The following GADD45A variants were observed in gnomAD, a reference collection of about 807,000 sequenced individuals.
The protein encoded by GADD45A is growth arrest and DNA damage inducible alpha.
A neutral mutation model predicts 17.7 loss-of-function variants in GADD45A; 9 were observed. The observed-to-expected ratio is 0.51, with a 90% CI of 0.31 to 0.89. GADD45A has a LOEUF of 0.89. Ranked by LOEUF, GADD45A falls within the 40% of genes least tolerant of loss-of-function variation. The probability of loss-of-function intolerance (pLI) is 0.05; values close to 1 mark genes in which losing one functional copy is unlikely to be tolerated. For missense variants in GADD45A, 149 were observed against 220.6 expected (o/e 0.68, Z 2.06); for synonymous variants, 95 against 92.2 (o/e 1.03, Z -0.17).
Position 67,685,522 on chromosome 1 carries a change from G to A in GADD45A, c.28G>A (p.Glu10Lys). ...GACTTTGGAGGAATTCTCGGCTGGA[G>A]AGCAGAAGACCGAAAGGTGAGTCGG... MTLEEFSAG[E>K]QKTERMDKVG... is the part of the protein sequence containing the mutation. Residue 10 changes from glutamate (E) to lysine (K), a missense_variant, in exon 1 of 4, where the codon GAG becomes AAG. Glu to Lys is a moderately conservative substitution (Grantham distance 56). Coordinates refer to ENST00000370986, the MANE Select transcript of GADD45A (RefSeq NM_001924.4). 6.2e-7 allele frequency: 1 copy of A among 1,610,296 alleles called. No homozygotes were observed. The highest frequency in any genetic ancestry group is 8.5e-7 in the Non-Finnish European group (1 of 1,178,084).
At chr1:67,685,861 T>A (rs1341608061) in intron 1 of GADD45A, 164 bp from the exon 2 acceptor site, 1 of 597,980 alleles carries the variant, frequency 1.7e-6, no homozygotes, top group African/African-American at 1.9e-5. Flanking sequence ...CGTGCAGGGG[T>A]CATGGGGGGT....
rs1288876378 is a variant in GADD45A, at chr1:67,685,549, C to T, written c.44+11C>T. 9.4e-6 allele frequency: 15 copies of T among 1,602,630 alleles called. No individual in the cohort carries two copies. Among genetic ancestry groups the T allele is most frequent in the Non-Finnish European group, 1.2e-5 (14 of 1,173,738 alleles). ...GCAGAAGACCGAAAGGTGAGTCGGC[C>T]TGCGGACTCTTCCGGCCCGAACTTC... On this transcript the variant is annotated intron_variant, in intron 1 of 3. Transcript: ENST00000370986.
chr1:67,685,991 G>A (rs531687515), intron 1 of GADD45A, 34 bp from the exon 2 acceptor site: 5 of 1,480,558 alleles, frequency 3.4e-6, no homozygotes, highest in Non-Finnish European at 4.7e-6. Flanking sequence ...GGGCACCGGG[G>A]CTGACGGGAC....
rs1190432793 is a variant in GADD45A, at chr1:67,685,227, G to A, written c.-268G>A. The A allele has an allele frequency of 8.4e-6, 4 of 475,862 alleles. No homozygotes were observed. The highest frequency in any genetic ancestry group is 1.5e-5 in the Non-Finnish European group (4 of 270,448). 29.5% of individuals were successfully genotyped at this position (475,862 alleles called of 1,614,324 possible). A position where few individuals can be genotyped will look rare whatever the true frequency, so the allele number is the denominator to read the frequency against. On this transcript the variant is annotated 5_prime_UTR_variant, in exon 1 of 4. Transcript: ENST00000370986. ...GTGGCTGGTAGGCAGTGGCTGGGAG[G>A]CAGCGGCCCAATTAGTGTCGTGCGG...
rs758159590 is a variant in GADD45A, at chr1:67,685,553, G to T, written c.44+15G>T. On this transcript the variant is annotated intron_variant, in intron 1 of 3. Coordinates refer to ENST00000370986, the MANE Select transcript of GADD45A (RefSeq NM_001924.4). ...AAGACCGAAAGGTGAGTCGGCCTGCGGACTCTTCCGGCCCGAACTTCTCTT... is the reference window on the plus strand; with the variant it reads ...AAGACCGAAAGGTGAGTCGGCCTGCTGACTCTTCCGGCCCGAACTTCTCTT... The T allele has an allele frequency of 1.9e-6, 3 of 1,599,256 alleles. No individual in the cohort carries two copies. The highest frequency in any genetic ancestry group is 2.6e-6 in the Non-Finnish European group (3 of 1,171,786).
chr1:67,686,140 T>TTGCGCGTCCCCCATGGCACCCC lies in GADD45A; in HGVS notation c.146+16_146+37dup. The TTGCGCGTCCCCCATGGCACCCC allele has an allele frequency of 6.3e-7, 1 of 1,589,232 alleles. No individual in the cohort carries two copies. Among genetic ancestry groups the TTGCGCGTCCCCCATGGCACCCC allele is most frequent in the Non-Finnish European group, 8.6e-7 (1 of 1,161,744 alleles). On this transcript the variant is annotated intron_variant, in intron 2 of 3. Coordinates refer to ENST00000370986, the MANE Select transcript of GADD45A (RefSeq NM_001924.4). Reference sequence around the variant, plus strand: ...GCTGCTCAACGTGTAAGTGGGGCCCTTGCGCGTCCCCCATGGCACCCCTTC... The same window carrying TTGCGCGTCCCCCATGGCACCCC: ...GCTGCTCAACGTGTAAGTGGGGCCCTTGCGCGTCCCCCATGGCACCCCTGCGCGTCCCCCATGGCACCCCTTC...
rs1646133542 is a variant in GADD45A at position 67,686,342 on chromosome 1, G to A, written c.147-8G>A. ...TCTGCGCTCACTGGCCCCGCCCGCT[G>A]CCCCCAGCGACCCCGATAACGTGGT... On this transcript the variant is annotated splice_polypyrimidine_tract_variant and splice_region_variant and intron_variant, in intron 2 of 3. Transcript: ENST00000370986. 1 of 1,609,966 alleles carries A rather than the reference G, an allele frequency of 6.2e-7. No individual in the cohort carries two copies. Among genetic ancestry groups the A allele is most frequent in the Admixed American group, 1.7e-5 (1 of 59,822 alleles).
rs4633263 is a variant in GADD45A at position 67,688,058 on chromosome 1, G to A, written c.*284G>A. 1 of 310,852 alleles carries A rather than the reference G, an allele frequency of 3.2e-6. No homozygotes were observed. The highest frequency in any genetic ancestry group is 2.1e-5 in the African/African-American group (1 of 47,262). The allele number at this position is 310,852 out of a possible 1,614,324, so 19.3% of individuals were successfully genotyped here. A position where few individuals can be genotyped will look rare whatever the true frequency, so the allele number is the denominator to read the frequency against. On this transcript the variant is annotated 3_prime_UTR_variant, in exon 4 of 4. Coordinates refer to ENST00000370986, the MANE Select transcript of GADD45A (RefSeq NM_001924.4). Reference sequence around the variant, plus strand: ...GGAAGGAAAACTATGTATTAATTTAGAATGGTTGAGTTACATTAAAATAAA... The same window carrying A: ...GGAAGGAAAACTATGTATTAATTTAAAATGGTTGAGTTACATTAAAATAAA...
intron 1 of GADD45A, 122 bp from the exon 2 acceptor site, chr1:67,685,903 G>A (rs1646129571): frequency 3.0e-6 from 2 of 656,696 alleles, no homozygotes; most frequent in Admixed American, 3.1e-5. Flanking sequence ...GGTTTTCGTA[G>A]AGCCCAGGTG....
In GADD45A at chr1:67,685,507, G is replaced by C. The variant is rs1190043753; in HGVS notation, c.13G>C (p.Glu5Gln). 1 of 1,610,848 alleles carries C rather than the reference G, an allele frequency of 6.2e-7. No homozygotes were observed. The highest frequency in any genetic ancestry group is 2.2e-5 in the East Asian group (1 of 44,828). Residue 5 changes from glutamate to glutamine, a missense_variant, in exon 1 of 4, where the codon GAA (glutamate) becomes CAA (glutamine). Transcript: ENST00000370986. ...TGCAGTTTGCAATATGACTTTGGAG[G>C]AATTCTCGGCTGGAGAGCAGAAGAC... MTLE[E>Q]FSAGEQKTER...
intron 3 of GADD45A, among the ~76,000 whole-genome samples, 174 bp from the exon 4 acceptor site, chr1:67,687,487 G>A (rs1570459758): frequency 6.6e-6 from 1 of 152,112 alleles, no homozygotes; most frequent in Admixed American, 6.5e-5. Context: ...TACCCTTAAC[G>A]CTTTTGCAGG....
At position 67,685,364 on chromosome 1, in the gene GADD45A, G is replaced by T; in HGVS notation, c.-131G>T. 1.3e-6 allele frequency: 1 copy of T among 769,724 alleles called. No homozygotes were observed. The highest frequency in any genetic ancestry group is 1.8e-5 in the South Asian group (1 of 54,580). The allele number at this position is 769,724 out of a possible 1,614,324, so 47.7% of individuals were successfully genotyped here. A position where few individuals can be genotyped will look rare whatever the true frequency, so the allele number is the denominator to read the frequency against. ...AGCCCGGGCGGGCGAGGGGCGGCCG[G>T]AGAGCGCCAGGGCCTGAGCTGCCGG... On this transcript the variant is annotated 5_prime_UTR_variant, in exon 1 of 4. Transcript: ENST00000370986.
At chr1:67,686,176 C>T in intron 2 of GADD45A, 50 bp downstream of exon 2, 1 of 1,501,860 alleles carries the variant, frequency 6.7e-7, no homozygotes, top group South Asian at 1.2e-5. Context: ...CCGCCCCAGC[C>T]CGGGAGGTCG....
rs963341870 is a variant in GADD45A at position 67,685,238 on chromosome 1, A to G, written c.-257A>G. 21 of 493,442 alleles carry G rather than the reference A, an allele frequency of 4.3e-5. No homozygotes were observed. The highest frequency in any genetic ancestry group is 1.0e-4 in the African/African-American group (5 of 48,212). 30.6% of individuals were successfully genotyped at this position (493,442 alleles called of 1,614,324 possible). On this transcript the variant is annotated 5_prime_UTR_variant, in exon 1 of 4. Transcript: ENST00000370986. ...GCAGTGGCTGGGAGGCAGCGGCCCA[A>G]TTAGTGTCGTGCGGCCCGTGGCGAG...
chr1:67,685,579 A>G, intron 1 of GADD45A, 41 bp downstream of exon 1: 1 of 1,579,226 alleles, frequency 6.3e-7, no homozygotes, highest in Non-Finnish European at 8.6e-7. Context: ...AACTTCTCTT[A>G]CCTACCCCGC....
rs1431281225 is a variant in GADD45A at position 67,685,265 on chromosome 1, C to T, written c.-230C>T. 3.9e-6 allele frequency: 2 copies of T among 506,334 alleles called. No individual in the cohort carries two copies. Among genetic ancestry groups the T allele is most frequent in the South Asian group, 5.2e-5 (2 of 38,674 alleles). The allele number at this position is 506,334 out of a possible 1,614,324, so 31.4% of individuals were successfully genotyped here. On this transcript the variant is annotated 5_prime_UTR_variant, in exon 1 of 4. Transcript: ENST00000370986. ...TAGTGTCGTGCGGCCCGTGGCGAGGCGAGGTCCGGGGAGCGAGCGAGCAAG... is the reference window on the plus strand; with the variant it reads ...TAGTGTCGTGCGGCCCGTGGCGAGGTGAGGTCCGGGGAGCGAGCGAGCAAG...
intron 1 of GADD45A, 115 bp downstream of exon 1, chr1:67,685,653 GCAA>G (rs1646127888): frequency 1.0e-6 from 1 of 1,000,424 alleles, no homozygotes; most frequent in South Asian, 1.4e-5. Flanking sequence ...TTTGCACAGG[GCAA>G]CTCCCGCCCT....
At chr1:67,686,612 T>C (rs1244156155) in intron 3 of GADD45A, 25 bp downstream of exon 3, 10 of 1,588,256 alleles carry the variant, frequency 6.3e-6, no homozygotes, top group Non-Finnish European at 8.6e-6. Flanking sequence ...GACTGCAGCC[T>C]GCAGGGTAGA....
At chr1:67,685,855 CA>C in intron 1 of GADD45A, 169 bp from the exon 2 acceptor site, 1 of 600,482 alleles carries the variant, frequency 1.7e-6, no homozygotes, top group Non-Finnish European at 2.9e-6. Context: ...CTTGGGCGTG[CA>C]GGGGTCATGG....
Sources: gnomAD v4.1 joint callset for allele counts (sites outside exome capture counted in the v4.1 genomes callset) on GRCh38, gnomAD v4.1.1 for gene constraint, MANE v1.5 for transcripts, NCBI Gene and HGNC (gene_info 2026-07-23, HGNC 2026-07-21) for gene names.